CACNA2D3: variants seen among roughly 807,000 people sequenced by gnomAD.
The protein encoded by CACNA2D3 is calcium voltage-gated channel auxiliary subunit alpha2delta 3, also known as voltage-dependent calcium channel subunit alpha-2/delta-3.
A neutral mutation model predicts 160.6 loss-of-function variants in CACNA2D3; 60 were observed. The observed-to-expected ratio is 0.37, with a 90% CI of 0.30 to 0.46. The LOEUF (loss-of-function observed/expected upper bound fraction) is 0.46. CACNA2D3 is among the 20% of genes least tolerant of loss of function. CACNA2D3 has a pLI of 1.00. For missense variants in CACNA2D3, 1,205 were observed against 1,365.0 expected (o/e 0.88, Z 1.85); for synonymous variants, 558 against 492.9 (o/e 1.13, Z -1.75).
intron 2 of CACNA2D3, among the ~76,000 whole-genome samples, chr3:54,303,461 A>C (rs958616154): frequency 2.0e-5 from 3 of 152,236 alleles, no homozygotes; most frequent in African/African-American, 7.2e-5. Context: ...ACGAGTGCAT[A>C]TATCAAGTCT....
chr3:54,254,329 A>G (rs1702254595), intron 2 of CACNA2D3, among the ~76,000 whole-genome samples: 1 of 152,072 alleles, frequency 6.6e-6, no homozygotes, highest in African/African-American at 2.4e-5. Flanking sequence ...CTTCCTCCCT[A>G]CTTGTCCATT....
At chr3:55,038,907 T>TATATATATATATATATAC (rs1553636480) in intron 35 of CACNA2D3, among the ~76,000 whole-genome samples, 4 of 113,064 alleles carry the variant, frequency 3.5e-5, no homozygotes, top group African/African-American at 1.3e-4. Flanking sequence ...TATATATATA[T>TATATATATATATATATAC]ACACACACTG....
chr3:54,761,981 T>A (rs1412052290), intron 12 of CACNA2D3, among the ~76,000 whole-genome samples: 1 of 152,198 alleles, frequency 6.6e-6, no homozygotes, highest in East Asian at 1.9e-4. Flanking sequence ...ACTCTGGAGC[T>A]AGTGCTGTGA....
chr3:54,856,387 A>G (rs1342685427), intron 17 of CACNA2D3, among the ~76,000 whole-genome samples: 1 of 152,172 alleles, frequency 6.6e-6, no homozygotes, highest in Non-Finnish European at 1.5e-5. Context: ...AAGGCCTTTC[A>G]GATAACATGG....
At chr3:54,908,561 AC>A (rs1700494195) in intron 27 of CACNA2D3, among the ~76,000 whole-genome samples, 2 of 152,136 alleles carry the variant, frequency 1.3e-5, no homozygotes, top group South Asian at 4.2e-4. Flanking sequence ...ACAAAAAAAT[AC>A]AGAAATTAGC....
chr3:54,387,490 A>G (rs905123142), intron 4 of CACNA2D3, among the ~76,000 whole-genome samples: 1 of 152,120 alleles, frequency 6.6e-6, no homozygotes, highest in Non-Finnish European at 1.5e-5. Flanking sequence ...CGTCTCTACT[A>G]AAAATACAAA....
rs201496399 is a variant in CACNA2D3 at position 54,650,220 on chromosome 3, A to G, written c.1167+7979A>G. On this transcript the variant is annotated intron_variant, in intron 11 of 37. Transcript: ENST00000474759. Reference sequence around the variant, plus strand: ...TTTTGTTTTTGTTTGTTTGTTTGAGACGGAGTCTTGCTCTGTCACCCAGGC... The same window carrying G: ...TTTTGTTTTTGTTTGTTTGTTTGAGGCGGAGTCTTGCTCTGTCACCCAGGC... 1.2e-4 allele frequency among the ~76,000 whole-genome samples: 4 copies of G among 34,084 alleles called. No individual in the cohort carries two copies. The East Asian group carries it at 2.0e-3, about 17-fold the overall frequency. 22.4% of individuals were successfully genotyped at this position (34,084 alleles called of 152,430 possible). A position where few individuals can be genotyped will look rare whatever the true frequency, so the allele number is the denominator to read the frequency against.
chr3:54,925,805 C>A (rs2106942916), intron 27 of CACNA2D3, among the ~76,000 whole-genome samples: 1 of 152,302 alleles, frequency 6.6e-6, no homozygotes. Context: ...ACAACAGTAG[C>A]CACATGTGGC....
At chr3:54,758,499 T>G (rs925684701) in intron 12 of CACNA2D3, among the ~76,000 whole-genome samples, 6 of 152,132 alleles carry the variant, frequency 3.9e-5, no homozygotes, top group Admixed American at 6.5e-5. Flanking sequence ...CTTGCTTGTT[T>G]TTTGTGAAGT....
At chr3:55,006,522 G>T (rs1001515197) in intron 32 of CACNA2D3, among the ~76,000 whole-genome samples, 46 of 152,172 alleles carry the variant, frequency 3.0e-4, no homozygotes, top group African/African-American at 1.1e-3. Flanking sequence ...TGGCAAAACC[G>T]CAGGACTGCA....
intron 4 of CACNA2D3, among the ~76,000 whole-genome samples, chr3:54,400,016 A>T (rs2106693977): frequency 8.1e-6 from 1 of 123,234 alleles, no homozygotes; most frequent in Non-Finnish European, 1.7e-5. Context: ...GCCGTTTTTT[A>T]AGCCGGTCTG....
chr3:54,507,131 C>T (rs947556098), intron 5 of CACNA2D3, among the ~76,000 whole-genome samples: 4 of 152,046 alleles, frequency 2.6e-5, no homozygotes, highest in Non-Finnish European at 5.9e-5. Flanking sequence ...GCTGTGCTCT[C>T]AACCTATTCC....
At chr3:54,599,029 T>C (rs952601196) in intron 9 of CACNA2D3, among the ~76,000 whole-genome samples, 1 of 152,282 alleles carries the variant, frequency 6.6e-6, no homozygotes, top group African/African-American at 2.4e-5. Context: ...TGAAAGAAAA[T>C]GCAACTAGCA....
At chr3:54,701,311 C>T (rs901803096) in intron 11 of CACNA2D3, among the ~76,000 whole-genome samples, 6 of 152,134 alleles carry the variant, frequency 3.9e-5, no homozygotes, top group Admixed American at 6.5e-5. Flanking sequence ...AACTAGTGAT[C>T]TTAATGAAAG....
intron 2 of CACNA2D3, among the ~76,000 whole-genome samples, chr3:54,269,214 G>A (rs1341707897): frequency 2.0e-5 from 3 of 151,944 alleles, no homozygotes; most frequent in African/African-American, 7.3e-5. Context: ...CACTGGTAGC[G>A]CCTTTTCTAT....
At chr3:54,449,228 C>A (rs73089465) in intron 4 of CACNA2D3, among the ~76,000 whole-genome samples, 19,572 of 152,002 alleles carry the variant, frequency 0.13, 1,608 homozygotes, top group Admixed American at 0.24. Flanking sequence ...AGAGAGAGAG[C>A]GCTCTGGCTT....
At chr3:54,327,872 CT>C (rs944420833) in intron 3 of CACNA2D3, among the ~76,000 whole-genome samples, 1 of 151,872 alleles carries the variant, frequency 6.6e-6, no homozygotes, top group Non-Finnish European at 1.5e-5. Flanking sequence ...ATTATTCTTT[CT>C]TGTAACAGGC....
intron 29 of CACNA2D3, among the ~76,000 whole-genome samples, chr3:54,976,266 G>A (rs1483209655): frequency 6.8e-6 from 1 of 147,094 alleles, no homozygotes; most frequent in African/African-American, 2.5e-5. Context: ...ACTTGTGTGT[G>A]TGTGACCTTG....
At chr3:54,220,790 C>A (rs774103646) in intron 2 of CACNA2D3, among the ~76,000 whole-genome samples, 12 of 152,192 alleles carry the variant, frequency 7.9e-5, no homozygotes, top group Non-Finnish European at 1.6e-4. Context: ...TCTCCAGAGC[C>A]AGGGCTGAGG....
Sources: allele counts gnomAD v4.1 joint callset (sites outside exome capture counted in the v4.1 genomes callset), GRCh38; gene constraint gnomAD v4.1.1; transcripts MANE v1.5; gene names NCBI Gene and HGNC (gene_info 2026-07-23, HGNC 2026-07-21).